DCUN1D1: variants seen among roughly 807,000 people sequenced by gnomAD.
The protein encoded by DCUN1D1 is DCN1-like protein 1.
Under a neutral mutation model 39.0 loss-of-function variants are expected in DCUN1D1, and 3 were observed. That is an observed-to-expected ratio of 0.08 (90% CI 0.04 to 0.20). DCUN1D1 has a LOEUF of 0.20. DCUN1D1 is among the 10% of genes least tolerant of loss of function. DCUN1D1 has a pLI of 1.00. For missense variants in DCUN1D1, 158 were observed against 302.4 expected (o/e 0.52, Z 3.54); for synonymous variants, 82 against 96.3 (o/e 0.85, Z 0.87).
chr3:182,957,560 A>G (rs1420259578), intron 4 of DCUN1D1, among the ~76,000 whole-genome samples: 1 of 151,998 alleles, frequency 6.6e-6, no homozygotes, highest in African/African-American at 2.4e-5. Context: ...TAGGAGTTTG[A>G]GACTGCAGTG....
At chr3:182,953,471 C>CGTG (rs1210647300) in intron 4 of DCUN1D1, among the ~76,000 whole-genome samples, 2 of 152,190 alleles carry the variant, frequency 1.3e-5, no homozygotes, top group African/African-American at 4.8e-5. Flanking sequence ...AACCCCTACT[C>CGTG]TACCACCAGT....
chr3:182,973,612 C>T (rs926021306), intron 1 of DCUN1D1, among the ~76,000 whole-genome samples: 10 of 151,952 alleles, frequency 6.6e-5, no homozygotes, highest in Admixed American at 1.3e-4. Context: ...ATTGAGACCA[C>T]CCTGGCCAAC....
chr3:182,975,840 C>A (rs1728206540), intron 1 of DCUN1D1, among the ~76,000 whole-genome samples: 1 of 137,382 alleles, frequency 7.3e-6, no homozygotes, highest in African/African-American at 2.9e-5. Context: ...AGCCTTCATT[C>A]CCAGATATGC....
upstream of DCUN1D1, among the ~76,000 whole-genome samples, chr3:182,982,149 T>C (rs759872356): frequency 1.3e-5 from 2 of 152,242 alleles, no homozygotes; most frequent in Non-Finnish European, 2.9e-5. Flanking sequence ...GTTATTCTAA[T>C]TGACCTCTCG....
intron 4 of DCUN1D1, among the ~76,000 whole-genome samples, chr3:182,958,730 T>A (rs977725894): frequency 2.6e-5 from 4 of 152,192 alleles, no homozygotes; most frequent in African/African-American, 7.2e-5. Flanking sequence ...TTCTTCAACA[T>A]AATGCTTTCA....
At chr3:182,948,128 G>A (rs901707997) in intron 4 of DCUN1D1, among the ~76,000 whole-genome samples, 1 of 152,168 alleles carries the variant, frequency 6.6e-6, no homozygotes, top group African/African-American at 2.4e-5. Context: ...TATTGCCAAA[G>A]ACAACCTGAG....
At chr3:182,946,514 G>A (rs1207952168) in intron 6 of DCUN1D1, among the ~76,000 whole-genome samples, 2 of 127,026 alleles carry the variant, frequency 1.6e-5, no homozygotes, top group Non-Finnish European at 3.1e-5. Flanking sequence ...CTGAGACTGC[G>A]CCACTGCACT....
At chr3:182,982,871 C>G (rs959545289), upstream of DCUN1D1, among the ~76,000 whole-genome samples, 4 of 152,120 alleles carry the variant, frequency 2.6e-5, no homozygotes, top group African/African-American at 9.7e-5. Context: ...TCTCGAACTC[C>G]TGACCTCATG....
chr3:182,963,957 T>C lies in DCUN1D1; in HGVS notation c.313A>G (p.Ile105Val), dbSNP rs146499424. 3.7e-5 allele frequency: 59 copies of C among 1,613,938 alleles called. No individual in the cohort carries two copies. Among genetic ancestry groups the C allele is most frequent in the Non-Finnish European group, 4.7e-5 (55 of 1,179,934 alleles). ...GTTGCTGCTCTGAACTTCCACGCAA[T>C]AATCAACACACTAATGCTGGCTGGA... The part of the protein sequence containing the change: ...LDPASISVLI[I>V]AWKFRAATQC... The change falls in exon 3 of 7, where the codon ATT becomes GTT. Residue 105 changes from isoleucine (I) to valine (V), a missense_variant. Ile to Val is a conservative substitution (Grantham distance 29). Transcript: ENST00000292782.
intron 4 of DCUN1D1, among the ~76,000 whole-genome samples, chr3:182,951,160 C>T (rs1464564903): frequency 6.6e-6 from 1 of 151,910 alleles, no homozygotes; most frequent in African/African-American, 2.4e-5. Flanking sequence ...ATACAATTGT[C>T]TGGCTTAAGT....
In DCUN1D1 at chr3:182,947,648, T is replaced by C. The variant is rs771479518; in HGVS notation, c.521-16A>G. The C allele has an allele frequency of 7.3e-7, 1 of 1,378,670 alleles. No individual in the cohort carries two copies. The allele number at this position is 1,378,670 out of a possible 1,614,324, so 85.4% of individuals were successfully genotyped here. Reference sequence around the variant, plus strand: ...ATTTCTAGATCTGAAATAGTAAAAATGAATTATGTATTTAAATGCTATAAA... The same window carrying C: ...ATTTCTAGATCTGAAATAGTAAAAACGAATTATGTATTTAAATGCTATAAA... On this transcript the variant is annotated splice_polypyrimidine_tract_variant and intron_variant, in intron 4 of 6. Transcript: ENST00000292782.
At chr3:182,963,766 C>G in intron 3 of DCUN1D1, 115 bp downstream of exon 3, 1 of 918,006 alleles carries the variant, frequency 1.1e-6, no homozygotes, top group Non-Finnish European at 1.6e-6. Context: ...TAACCCATTT[C>G]TATTTATACC....
chr3:182,982,986 T>A (rs759918315), upstream of DCUN1D1, among the ~76,000 whole-genome samples: 2 of 152,180 alleles, frequency 1.3e-5, no homozygotes, highest in African/African-American at 2.4e-5. Context: ...ACTTCTTACC[T>A]AATCTTCCAG....
rs1407095849 is a variant in DCUN1D1 at position 182,942,126 on chromosome 3, A to G, written c.*2968T>C. The G allele has an allele frequency of 6.6e-6, 1 of 152,144 alleles. No individual in the cohort carries two copies. Among genetic ancestry groups the G allele is most frequent in the Non-Finnish European group, 1.5e-5 (1 of 67,994 alleles). The allele number at this position is 152,144 out of a possible 1,614,324, so 9.4% of individuals were successfully genotyped here. ...TACTTTCTCTCATTAAAACTTTTTAAAAGTCTAAGGAAGGACATGTACTTA... is the reference window on the plus strand; with the variant it reads ...TACTTTCTCTCATTAAAACTTTTTAGAAGTCTAAGGAAGGACATGTACTTA... On this transcript the variant is annotated 3_prime_UTR_variant, in exon 7 of 7. Transcript: ENST00000292782.
rs1726080442 is a variant in DCUN1D1 at position 182,940,344 on chromosome 3, C to G, written c.*4750G>C. The G allele has an allele frequency of 6.6e-6, 1 of 152,100 alleles. No individual in the cohort carries two copies. Among genetic ancestry groups the G allele is most frequent in the African/African-American group, 2.4e-5 (1 of 41,410 alleles). 9.4% of individuals were successfully genotyped at this position (152,100 alleles called of 1,614,324 possible). A position where few individuals can be genotyped will look rare whatever the true frequency, so the allele number is the denominator to read the frequency against. ...AATGAGTATGTTCCGTTTGTTTGCT[C>G]ATTAAGCCACTTACATGCTGCCCCT... On this transcript the variant is annotated 3_prime_UTR_variant, in exon 7 of 7. Coordinates refer to ENST00000292782, the MANE Select transcript of DCUN1D1 (RefSeq NM_020640.4).
intron 4 of DCUN1D1, among the ~76,000 whole-genome samples, chr3:182,948,524 T>G (rs1726535231): frequency 6.6e-6 from 1 of 152,232 alleles, no homozygotes; most frequent in Non-Finnish European, 1.5e-5. Flanking sequence ...GACAGAGAAC[T>G]ACACTTATCA....
chr3:182,949,821 A>G (rs956801351), intron 4 of DCUN1D1, among the ~76,000 whole-genome samples: 1 of 152,232 alleles, frequency 6.6e-6, no homozygotes, highest in South Asian at 2.1e-4. Context: ...ACTTTCTTCA[A>G]TGATGGAGAC....
At chr3:182,968,036 A>G (rs940331812) in intron 1 of DCUN1D1, among the ~76,000 whole-genome samples, 6 of 152,128 alleles carry the variant, frequency 3.9e-5, no homozygotes, top group African/African-American at 1.4e-4. Context: ...ATTAACCTGC[A>G]AGTACACCAA....
chr3:182,969,100 C>A (rs938138562), intron 1 of DCUN1D1, among the ~76,000 whole-genome samples: 1 of 152,152 alleles, frequency 6.6e-6, no homozygotes, highest in African/African-American at 2.4e-5. Flanking sequence ...CTGATAAGTA[C>A]CCTCCACTTC....
Sources: allele counts gnomAD v4.1 joint callset (sites outside exome capture counted in the v4.1 genomes callset), GRCh38; gene constraint gnomAD v4.1.1; transcripts MANE v1.5; gene names NCBI Gene and HGNC (gene_info 2026-07-23, HGNC 2026-07-21).